The following TBX1 variants were observed in gnomAD, a reference collection of about 807,000 sequenced individuals.
TBX1 encodes T-box transcription factor 1.
A neutral mutation model predicts 40.8 loss-of-function variants in TBX1; 16 were observed. The observed-to-expected ratio is 0.39, with a 90% CI of 0.27 to 0.60. The LOEUF (loss-of-function observed/expected upper bound fraction) is 0.60. TBX1 is among the 20% of genes least tolerant of loss of function. The pLI is 0.51. For synonymous variants in TBX1, 403 were observed against 336.8 expected (o/e 1.20, Z -2.15); for missense variants, 755 against 728.5 (o/e 1.04, Z -0.42).
At chr22:19,761,446 C>G (rs1161062744) in intron 1 of TBX1, among the ~76,000 whole-genome samples, 166 bp downstream of exon 1, 7 of 151,740 alleles carry the variant, frequency 4.6e-5, no homozygotes, top group Non-Finnish European at 8.8e-5. Flanking sequence ...TTCGCCGTCC[C>G]GGCTCCGGCG....
upstream of TBX1, among the ~76,000 whole-genome samples, chr22:19,760,088 T>G (rs1936592121): frequency 6.9e-6 from 1 of 144,388 alleles, no homozygotes; most frequent in Non-Finnish European, 1.5e-5. Flanking sequence ...AAGAAGAAGG[T>G]AGGGGAGAAA....
chr22:19,783,002 C>A (rs750898232), downstream of TBX1: 2 of 1,128,248 alleles, frequency 1.8e-6, no homozygotes, highest in South Asian at 1.2e-5. Flanking sequence ...CCTGAGACCA[C>A]CACACTGCAA....
chr22:19,779,031 G>A (rs1937109068), intron 8 of TBX1, among the ~76,000 whole-genome samples: 2 of 152,232 alleles, frequency 1.3e-5, no homozygotes, highest in South Asian at 4.1e-4. Context: ...GGTGGGACCT[G>A]GTGTGGCTGT....
upstream of TBX1, among the ~76,000 whole-genome samples, chr22:19,759,960 A>AG (rs539827336): frequency 3.2e-3 from 483 of 152,276 alleles, 1 homozygote; most frequent in African/African-American, 0.01. Flanking sequence ...GAGCCTGGAG[A>AG]GGGGGGAGGA....
chr22:19,776,795 G>A (rs1351208475), intron 8 of TBX1, among the ~76,000 whole-genome samples: 1 of 152,200 alleles, frequency 6.6e-6, no homozygotes, highest in African/African-American at 2.4e-5. Flanking sequence ...GAAAAGCAGC[G>A]ACCTACAGAT....
chr22:19,763,690 C>A (rs1601288388), intron 2 of TBX1: 1 of 414,242 alleles, frequency 2.4e-6, no homozygotes. Context: ...TCCCCCATCC[C>A]CAGGGAACTC....
chr22:19,758,540 C>T (rs1032629611), upstream of TBX1, among the ~76,000 whole-genome samples: 11 of 152,296 alleles, frequency 7.2e-5, no homozygotes, highest in African/African-American at 1.2e-4. Context: ...CCAGCCTGGT[C>T]GGGCCATAGA....
intron 2 of TBX1, chr22:19,763,637 A>C (rs959666729): frequency 6.3e-6 from 3 of 473,936 alleles, no homozygotes; most frequent in African/African-American, 5.8e-5. Context: ...GACTTCTTCA[A>C]GTCTCCCTCT....
chr22:19,766,372 C>G lies in TBX1; in HGVS notation c.1037-17C>G, dbSNP rs1208955069. On this transcript the variant is annotated splice_polypyrimidine_tract_variant and intron_variant, in intron 6 of 6. Coordinates refer to ENST00000649276, the MANE Select transcript of TBX1 (RefSeq NM_001379200.1). ...CGGCCCCGGCCGGCCGCGCTCACTC[C>G]TCGGCCCTCTCCGCAGACGCGGCTG... 1 of 1,306,718 alleles carries G rather than the reference C, an allele frequency of 7.7e-7. No individual in the cohort carries two copies. Among genetic ancestry groups the G allele is most frequent in the Non-Finnish European group, 9.7e-7 (1 of 1,027,744 alleles). The allele number at this position is 1,306,718 out of a possible 1,614,324, so 80.9% of individuals were successfully genotyped here. A position where few individuals can be genotyped will look rare whatever the true frequency, so the allele number is the denominator to read the frequency against.
chr22:19,777,671 T>G (rs534480539), intron 8 of TBX1, among the ~76,000 whole-genome samples: 1 of 152,298 alleles, frequency 6.6e-6, no homozygotes, highest in South Asian at 2.1e-4. Context: ...ATCGGTCCTT[T>G]TCGTCTCCCC....
rs1936847647 is a variant in TBX1, at chr22:19,766,444, CG to C, written c.1096del (p.Asp366ThrfsTer13). The C allele has an allele frequency of 1.5e-6, 2 of 1,337,352 alleles. No homozygotes were observed. Among genetic ancestry groups the C allele is most frequent in the Non-Finnish European group, 1.9e-6 (2 of 1,038,886 alleles). 82.8% of individuals were successfully genotyped at this position (1,337,352 alleles called of 1,614,324 possible). Reference protein sequence around the residue: ...QRDAGGPAVLGDPAHPPQLLA... With the variant: ...QRDAGGPAVLXDPAHPPQLLA... ...GCGACGCGGGCGGGCCAGCAGTGCT[CG>C]GGGACCCGGCGCATCCTCCGCAGCT... On this transcript the variant is annotated frameshift_variant, in exon 7 of 7. Transcript: ENST00000649276. LOFTEE classifies it high-confidence loss of function.
intron 1 of TBX1, among the ~76,000 whole-genome samples, chr22:19,762,952 T>C (rs917467377): frequency 1.3e-5 from 2 of 151,968 alleles, no homozygotes; most frequent in African/African-American, 4.8e-5. Flanking sequence ...CGAGGCCGAG[T>C]TTATGTAGGC....
chr22:19,780,536 G>A (rs41298024), downstream of TBX1, among the ~76,000 whole-genome samples: 202 of 152,288 alleles, frequency 1.3e-3, no homozygotes, highest in Non-Finnish European at 2.3e-3. Context: ...CACTTGGGTT[G>A]CTCCCACCTG....
At chr22:19,779,296 G>A (rs1269210126) in exon 9 of TBX1, 2 of 1,614,264 alleles carry the variant, frequency 1.2e-6, no homozygotes, top group African/African-American at 1.3e-5. Flanking sequence ...TGGAGCTTCT[G>A]AGGGATGCAG....
At chr22:19,767,783 G>T (rs1464249362), downstream of TBX1, among the ~76,000 whole-genome samples, 1 of 152,246 alleles carries the variant, frequency 6.6e-6, no homozygotes, top group African/African-American at 2.4e-5. Context: ...ACTGCCGGTC[G>T]GTGCTGGGAG....
chr22:19,781,189 G>A (rs1395493218), downstream of TBX1, among the ~76,000 whole-genome samples: 2 of 152,128 alleles, frequency 1.3e-5, no homozygotes, highest in African/African-American at 4.8e-5. Flanking sequence ...TGCTGTGCCT[G>A]CTGGCTACTC....
At chr22:19,759,310 C>T (rs1936562188), upstream of TBX1, among the ~76,000 whole-genome samples, 1 of 152,224 alleles carries the variant, frequency 6.6e-6, no homozygotes, top group African/African-American at 2.4e-5. Flanking sequence ...CCGTCTGGGC[C>T]CCTCGGCTGC....
chr22:19,762,182 A>G (rs1569019490), intron 1 of TBX1, among the ~76,000 whole-genome samples: 1 of 152,104 alleles, frequency 6.6e-6, no homozygotes, highest in Non-Finnish European at 1.5e-5. Flanking sequence ...GGCCCTCCTG[A>G]GGACAGCGGC....
At chr22:19,780,478 G>T (rs1937129212), downstream of TBX1, among the ~76,000 whole-genome samples, 1 of 152,192 alleles carries the variant, frequency 6.6e-6, no homozygotes, top group South Asian at 2.1e-4. Context: ...ACACTATTCT[G>T]TTGTATGTCT....
Sources: gnomAD v4.1 joint callset for allele counts (sites outside exome capture counted in the v4.1 genomes callset) on GRCh38, gnomAD v4.1.1 for gene constraint, MANE v1.5 for transcripts, NCBI Gene and HGNC (gene_info 2026-07-23, HGNC 2026-07-21) for gene names.